The following NUP98 variants were observed in gnomAD, a reference collection of about 807,000 sequenced individuals.
NUP98 encodes nucleoporin 98 and 96 precursor.
In NUP98, 26 loss-of-function variants were observed where a neutral mutation model predicts 191.9. The ratio of observed to expected loss-of-function variants is 0.14; its 90% confidence interval spans 0.10 to 0.19. The LOEUF (loss-of-function observed/expected upper bound fraction) is 0.19. Among genes scored for constraint, NUP98 ranks in the 10% least tolerant of loss-of-function variants. The pLI, the probability that NUP98 is intolerant of heterozygous loss-of-function variation, is 1.00. For missense variants in NUP98, 1,941 were observed against 2,178.8 expected (o/e 0.89, Z 2.17); for synonymous variants, 808 against 778.4 (o/e 1.04, Z -0.63).
intron 2 of NUP98, 83 bp downstream of exon 2, chr11:3,781,959 C>A: frequency 1.3e-6 from 1 of 785,844 alleles, no homozygotes; most frequent in South Asian, 1.9e-5. Context: ...AATAAAATTC[C>A]CACCTAAAGC....
chr11:3,688,774 G>A (rs544968960), intron 28 of NUP98, among the ~76,000 whole-genome samples: 4 of 132,452 alleles, frequency 3.0e-5, no homozygotes, highest in East Asian at 2.0e-4. Context: ...TAGACTGGGC[G>A]ACAGAGAGAG....
intron 10 of NUP98, among the ~76,000 whole-genome samples, chr11:3,754,956 A>AG: frequency 6.6e-6 from 1 of 150,716 alleles, no homozygotes; most frequent in East Asian, 1.9e-4. Context: ...AAAAAAAAAA[A>AG]AAAAAAAATC....
At chr11:3,791,506 C>A (rs1231122809) in intron 1 of NUP98, among the ~76,000 whole-genome samples, 10 of 135,664 alleles carry the variant, frequency 7.4e-5, no homozygotes, top group Non-Finnish European at 1.1e-4. Flanking sequence ...TGTACTCCAG[C>A]CTGGGGGAAA....
chr11:3,759,489 C>T (rs2081091286), intron 10 of NUP98, among the ~76,000 whole-genome samples: 11 of 151,934 alleles, frequency 7.2e-5, no homozygotes, highest in Admixed American at 7.2e-4. Context: ...CCCAGCGACT[C>T]GGGAGGCTGA....
intron 9 of NUP98, among the ~76,000 whole-genome samples, chr11:3,761,829 A>G (rs750155782): frequency 9.9e-5 from 15 of 152,124 alleles, no homozygotes; most frequent in Non-Finnish European, 1.9e-4. Flanking sequence ...CTGTAATCCC[A>G]GCTACTTGGG....
chr11:3,772,281 T>C (rs1268854867), intron 6 of NUP98, among the ~76,000 whole-genome samples: 1 of 152,176 alleles, frequency 6.6e-6, no homozygotes, highest in Non-Finnish European at 1.5e-5. Flanking sequence ...AATTAACATA[T>C]GTAGATTCTG....
At chr11:3,720,365 T>C (rs1292776992) in intron 17 of NUP98, among the ~76,000 whole-genome samples, 4 of 152,118 alleles carry the variant, frequency 2.6e-5, no homozygotes, top group Non-Finnish European at 5.9e-5. Context: ...ATGACCCAAA[T>C]AGTTACTAGC....
chr11:3,728,468 GC>G (rs1440763589), intron 14 of NUP98, among the ~76,000 whole-genome samples: 2 of 152,238 alleles, frequency 1.3e-5, no homozygotes, highest in Non-Finnish European at 2.9e-5. Context: ...GGGTGCGGCG[GC>G]TCACGCCTGT....
At chr11:3,685,041 G>A (rs2078098042) in intron 29 of NUP98, among the ~76,000 whole-genome samples, 1 of 151,258 alleles carries the variant, frequency 6.6e-6, no homozygotes, top group South Asian at 2.1e-4. Context: ...TTGGGTTACT[G>A]ACCTGTAAAA....
chr11:3,762,346 T>C lies in NUP98; in HGVS notation c.1086+556A>G, dbSNP rs373709744. Among the ~76,000 whole-genome samples the C allele has an allele frequency of 5.8e-4, 88 of 151,946 alleles. 1 individual carries two copies. Among genetic ancestry groups the C allele is most frequent in the Non-Finnish European group, 1.0e-4 (7 of 67,960 alleles). ...CATGTTGGCCAGATTGGTCTCGAAT[T>C]CCTGACCTCAGGTGATCCACCCACC... is the stretch of plus-strand genomic sequence containing the variant. On this transcript the variant is annotated intron_variant, in intron 9 of 32. Transcript: ENST00000324932.
intron 11 of NUP98, among the ~76,000 whole-genome samples, chr11:3,749,423 G>A (rs943698287): frequency 3.3e-4 from 50 of 152,242 alleles, no homozygotes; most frequent in African/African-American, 1.1e-3. Flanking sequence ...TCAGGAGTTC[G>A]ACACCAGCCT....
In NUP98 at chr11:3,731,514, G is replaced by A. The variant is rs2134282661; in HGVS notation, c.1607C>T (p.Thr536Ile). 1 of 1,608,090 alleles carries A rather than the reference G, an allele frequency of 6.2e-7. No individual in the cohort carries two copies. Among genetic ancestry groups the A allele is most frequent in the Non-Finnish European group, 8.5e-7 (1 of 1,176,812 alleles). The part of the protein sequence containing the change: ...ALTTPTHYKL[T>I]PRPATRVRPK... Reference sequence around the variant, plus strand: ...CCGGACTCTAGTGGCAGGGCGGGGTGTCAGTTTATAATGAGTAGGTGTAGT... The same window carrying A: ...CCGGACTCTAGTGGCAGGGCGGGGTATCAGTTTATAATGAGTAGGTGTAGT... The change falls in exon 14 of 33, where the codon ACA becomes ATA. Residue 536 changes from threonine to isoleucine, a missense_variant. Transcript: ENST00000324932.
At chr11:3,719,229 G>T (rs1589800576) in intron 18 of NUP98, among the ~76,000 whole-genome samples, 183 bp downstream of exon 18, 1 of 152,170 alleles carries the variant, frequency 6.6e-6, no homozygotes, top group East Asian at 1.9e-4. Flanking sequence ...CAGGGAAAAG[G>T]AGTTCAAAAT....
rs1185399751 is a variant in NUP98, at chr11:3,729,670, G to A, written c.1730+1721C>T. 3.9e-5 allele frequency among the ~76,000 whole-genome samples: 5 copies of A among 128,614 alleles called. No individual in the cohort carries two copies. In the South Asian group the frequency reaches 7.5e-4, roughly 19 times the overall value. 84.4% of individuals were successfully genotyped at this position (128,614 alleles called of 152,430 possible). ...GTCGAAGGTGCAGTGATGTATGATT[G>A]CACCACTGCACTCCAGCCTGGGCAA... On this transcript the variant is annotated intron_variant, in intron 14 of 32. Transcript: ENST00000324932.
intron 29 of NUP98, among the ~76,000 whole-genome samples, chr11:3,684,522 A>G (rs2078078655): frequency 6.6e-6 from 1 of 152,084 alleles, no homozygotes; most frequent in African/African-American, 2.4e-5. Flanking sequence ...ACTCCGAAAC[A>G]TTAGCCATCC....
intron 26 of NUP98, among the ~76,000 whole-genome samples, chr11:3,693,864 G>C (rs1028438668): frequency 4.6e-5 from 7 of 152,134 alleles, no homozygotes; most frequent in Admixed American, 1.3e-4. Context: ...TAAGAGGTAG[G>C]CAGTGATAAG....
intron 29 of NUP98, among the ~76,000 whole-genome samples, chr11:3,684,924 C>T (rs2134024745): frequency 6.6e-6 from 1 of 152,088 alleles, no homozygotes; most frequent in Middle Eastern, 3.4e-3. Context: ...CCATGCAACA[C>T]AACAGTGCAG....
intron 19 of NUP98, 55 bp from the exon 20 acceptor site, chr11:3,712,783 C>T: frequency 3.2e-6 from 5 of 1,555,612 alleles, no homozygotes; most frequent in Non-Finnish European, 3.5e-6. Flanking sequence ...TTCCCAATAC[C>T]TGCCTTTGCA....
intron 28 of NUP98, among the ~76,000 whole-genome samples, chr11:3,689,184 G>C (rs1272764408): frequency 1.3e-5 from 2 of 152,118 alleles, no homozygotes; most frequent in Admixed American, 6.5e-5. Context: ...AATGAGCCAT[G>C]ATCATTCCAC....
Sources: allele counts gnomAD v4.1 joint callset (sites outside exome capture counted in the v4.1 genomes callset), GRCh38; gene constraint gnomAD v4.1.1; transcripts MANE v1.5; gene names NCBI Gene and HGNC (gene_info 2026-07-23, HGNC 2026-07-21).